Variants in DYRK4 observed in about 807,000 individuals in gnomAD.
The protein encoded by DYRK4 is dual specificity tyrosine-phosphorylation-regulated kinase 4.
Under a neutral mutation model 68.3 loss-of-function variants are expected in DYRK4, and 64 were observed. The observed-to-expected ratio is 0.94, with a 90% CI of 0.77 to 1.15. DYRK4 has a LOEUF of 1.15. Among genes scored for constraint, DYRK4 ranks in the 50% most tolerant of loss-of-function variants. DYRK4 has a pLI of 0.00. For synonymous variants in DYRK4, 274 were observed against 289.9 expected, an observed-to-expected ratio of 0.95 and a Z score of 0.56; for missense variants, 740 against 764.7, an observed-to-expected ratio of 0.97 and a Z score of 0.38.
intron 10 of DYRK4, chr12:4,602,084 T>C (rs1945087967): frequency 2.2e-6 from 1 of 456,090 alleles, no homozygotes; most frequent in Non-Finnish European, 4.0e-6. Flanking sequence ...AGGGTAGTTC[T>C]TGAACCACTT....
intron 2 of DYRK4, among the ~76,000 whole-genome samples, chr12:4,584,700 C>T (rs548341177): frequency 6.6e-5 from 10 of 151,946 alleles, no homozygotes; most frequent in East Asian, 5.8e-4. Context: ...GGACTACAGG[C>T]GCCCACCACC....
chr12:4,576,952 G>C (rs1255127885), intron 2 of DYRK4, among the ~76,000 whole-genome samples: 1 of 152,062 alleles, frequency 6.6e-6, no homozygotes, highest in Non-Finnish European at 1.5e-5. Flanking sequence ...CCAGTCTATG[G>C]TTTCTCTTTT....
At chr12:4,612,874 C>A in intron 14 of DYRK4, 156 bp downstream of exon 14, 1 of 767,466 alleles carries the variant, frequency 1.3e-6, no homozygotes, top group Non-Finnish European at 2.0e-6. Flanking sequence ...GCTGTTTAAG[C>A]ATTTCTGAAG....
At chr12:4,590,655 G>T in intron 4 of DYRK4, 1 of 1,010,554 alleles carries the variant, frequency 9.9e-7, no homozygotes, top group Non-Finnish European at 1.3e-6. Flanking sequence ...CTCTAGAGCT[G>T]TCAGGAGGAT....
chr12:4,565,125 C>A (rs1944663798), intron 1 of DYRK4, among the ~76,000 whole-genome samples: 1 of 152,168 alleles, frequency 6.6e-6, no homozygotes, highest in Admixed American at 6.5e-5. Context: ...TAACAAGATA[C>A]AAACGAAATA....
At chr12:4,605,111 T>G in intron 11 of DYRK4, 25 bp downstream of exon 11, 1 of 1,600,798 alleles carries the variant, frequency 6.2e-7, no homozygotes, top group Non-Finnish European at 8.5e-7. Context: ...GGCGGTCGGC[T>G]CCCACGGAGA....
chr12:4,590,396 C>T lies in DYRK4; in HGVS notation c.280C>T (p.His94Tyr), dbSNP rs752553422. ...GAAGAAGAATACGGTAAGCTTCCCA[C>T]ACATTAGCAAGAAAGTCCTGCTGAA... The part of the protein sequence containing the change: ...KGKKNTVSFP[H>Y]ISKKVLLKSS... Residue 94 changes from histidine to tyrosine, a missense_variant, in exon 4 of 15, where the codon CAC becomes TAC. By Grantham distance (83) the His-to-Tyr change is moderately conservative. This residue lies in a region of DYRK4 where 56 missense variants were observed against 89.9 expected (regional missense o/e 0.62). Coordinates refer to ENST00000543431, the MANE Select transcript of DYRK4 (RefSeq NM_001394779.1). 3.1e-5 allele frequency: 47 copies of T among 1,535,894 alleles called. No homozygotes were observed. The highest frequency in any genetic ancestry group is 4.1e-5 in the Non-Finnish European group (47 of 1,146,872).
chr12:4,590,856 A>G lies in DYRK4; in HGVS notation c.325-304A>G, dbSNP rs115423904. 3.5e-3 allele frequency: 1,545 copies of G among 439,032 alleles called. 19 individuals are homozygous for G. Among genetic ancestry groups the G allele is most frequent in the African/African-American group, 0.028 (1,385 of 50,318 alleles). 27.2% of individuals were successfully genotyped at this position (439,032 alleles called of 1,614,324 possible). ...GGGCAAGTCACTTTGTCTTGTTGGG[A>G]GCTCACCTTCTTAAGAGCAGCAGTG... On this transcript the variant is annotated intron_variant, in intron 4 of 14. Transcript: ENST00000543431.
At position 4,574,414 on chromosome 12, in the gene DYRK4, T is replaced by A. The variant is rs533281697; in HGVS notation, c.132+6366T>A. On this transcript the variant is annotated intron_variant, in intron 2 of 14. Transcript: ENST00000543431. ...GTATTGGCTCATTTTGCATGTTTTTTAAAAATATATATGGAATCATACTGT... is the reference window on the plus strand; with the variant it reads ...GTATTGGCTCATTTTGCATGTTTTTAAAAAATATATATGGAATCATACTGT... Among the ~76,000 whole-genome samples, 313 of 152,126 alleles carry A rather than the reference T, an allele frequency of 2.1e-3. 1 individual carries two copies. The highest frequency in any genetic ancestry group is 3.6e-3 in the Non-Finnish European group (245 of 67,924).
intron 2 of DYRK4, among the ~76,000 whole-genome samples, chr12:4,578,829 C>T (rs1002715224): frequency 2.0e-5 from 3 of 152,184 alleles, no homozygotes; most frequent in African/African-American, 7.2e-5. Flanking sequence ...GGTCTGTGTA[C>T]TTTTCTCTAT....
chr12:4,573,265 T>C, intron 2 of DYRK4: 2 of 1,258,308 alleles, frequency 1.6e-6, no homozygotes, highest in Non-Finnish European at 2.1e-6. Context: ...ATATAATGTC[T>C]ACATTTGGAA....
At chr12:4,575,298 A>ATTTGTGTGTGTGTGTGTGT (rs562026104) in intron 2 of DYRK4, among the ~76,000 whole-genome samples, 3 of 144,090 alleles carry the variant, frequency 2.1e-5, no homozygotes, top group African/African-American at 5.4e-5. Flanking sequence ...ACAATAACTT[A>ATTTGTGTGTGTGTGTGTGT]CTGTGTGTGT....
Position 4,604,991 on chromosome 12 carries a change from A to T in DYRK4, c.1204A>T (p.Met402Leu), listed in dbSNP as rs775374814. The change falls in exon 11 of 15, where the codon ATG (methionine) becomes TTG (leucine). Residue 402 changes from methionine to leucine, a missense_variant. By Grantham distance (15) the Met-to-Leu change is conservative. This residue lies in a region of DYRK4 where 614 missense variants were observed against 603.7 expected (regional missense o/e 1.02). Coordinates refer to ENST00000543431, the MANE Select transcript of DYRK4 (RefSeq NM_001394779.1). The stretch of plus-strand genomic sequence containing the variant: ...CCACCCCTACGACGTGGCCATTGAC[A>T]TGTGGAGCCTGGGCTGCATCACGGC... ...LGHPYDVAID[M>L]WSLGCITAEL... The T allele has an allele frequency of 1.9e-6, 3 of 1,614,058 alleles. No individual in the cohort carries two copies. In the South Asian group the frequency reaches 3.3e-5, roughly 18 times the overall value.
intron 11 of DYRK4, among the ~76,000 whole-genome samples, chr12:4,606,328 ATC>A (rs1488672842): frequency 1.3e-5 from 2 of 151,652 alleles, no homozygotes; most frequent in African/African-American, 4.9e-5. Context: ...CTATCTATGT[ATC>A]TGTATCTATC....
intron 1 of DYRK4, chr12:4,563,096 T>A (rs1358412815): frequency 6.6e-6 from 3 of 455,826 alleles, no homozygotes; most frequent in African/African-American, 4.0e-5. Context: ...GGCCATTTAG[T>A]GGAAAAGTTC....
rs554288890 is a variant in DYRK4, at chr12:4,593,083, G to T, written c.545G>T (p.Gly182Val). ...GGCTACGCGGAGCTGTGGTTCCTGGGTCTTGAAGCCAAGAAGCTCGACACG... is the reference window on the plus strand; with the variant it reads ...GGCTACGCGGAGCTGTGGTTCCTGGTTCTTGAAGCCAAGAAGCTCGACACG... Reference protein sequence around the residue: ...ILGYAELWFLGLEAKKLDTAP... With the variant: ...ILGYAELWFLVLEAKKLDTAP... Residue 182 changes from glycine to valine, a missense_variant, in exon 6 of 15, where the codon GGT (glycine) becomes GTT (valine). This residue lies in a region of DYRK4 where 614 missense variants were observed against 603.7 expected (regional missense o/e 1.02). Transcript: ENST00000543431. 3 of 1,614,182 alleles carry T rather than the reference G, an allele frequency of 1.9e-6. No homozygotes were observed. Among genetic ancestry groups the T allele is most frequent in the African/African-American group, 1.3e-5 (1 of 75,044 alleles).
Position 4,596,721 on chromosome 12 carries a change from G to A in DYRK4, c.897G>A (p.Glu299=), listed in dbSNP as rs773213017. 3 of 1,613,780 alleles carry A rather than the reference G, an allele frequency of 1.9e-6. No individual in the cohort carries two copies. The highest frequency in any genetic ancestry group is 2.5e-6 in the Non-Finnish European group (3 of 1,179,994). The change falls in exon 8 of 15, where the codon GAG becomes GAA. Residue 299 remains glutamate, a synonymous_variant. Coordinates refer to ENST00000543431, the MANE Select transcript of DYRK4 (RefSeq NM_001394779.1). ...GCAATCACTTCTGCATCACCTTTGAGCTCCTGGGGTCAGCTGCCTTTTCTT... is the reference window on the plus strand; with the variant it reads ...GCAATCACTTCTGCATCACCTTTGAACTCCTGGGGTCAGCTGCCTTTTCTT... ...YFRNHFCITF[E]LLGINLYELM... is the part of the protein sequence containing the mutation.
At chr12:4,607,135 A>T (rs530274636) in intron 11 of DYRK4, among the ~76,000 whole-genome samples, 192 bp from the exon 12 acceptor site, 41 of 152,214 alleles carry the variant, frequency 2.7e-4, no homozygotes, top group African/African-American at 9.9e-4. Context: ...TTCTTAGGAT[A>T]TGAAACCAGC....
intron 10 of DYRK4, among the ~76,000 whole-genome samples, chr12:4,600,283 TC>T (rs1945066533): frequency 6.6e-6 from 1 of 152,100 alleles, no homozygotes; most frequent in Non-Finnish European, 1.5e-5. Context: ...TTGTGTTCTT[TC>T]GGCTTCTATC....
Sources: gnomAD v4.1 joint callset for allele counts (sites outside exome capture counted in the v4.1 genomes callset) on GRCh38, gnomAD v4.1.1 for gene constraint, gnomAD v4.1.1 regional missense constraint, MANE v1.5 for transcripts, NCBI Gene and HGNC (gene_info 2026-07-23, HGNC 2026-07-21) for gene names.